CIMIP4: variants seen among roughly 807,000 people sequenced by gnomAD.
CIMIP4 encodes the protein ciliary microtubule inner protein 4.
At chr22:36,991,877 A>G in the CIMIP4 span, among the ~76,000 whole-genome samples, 1 of 152,164 alleles carries the variant, frequency 6.6e-6, no homozygotes, top group African/African-American at 2.4e-5. Flanking sequence ...TTGGACATTC[A>G]TCAAGACATC....
At chr22:37,002,959 C>T in the CIMIP4 span, among the ~76,000 whole-genome samples, 2 of 152,322 alleles carry the variant, frequency 1.3e-5, no homozygotes, top group African/African-American at 2.4e-5. Flanking sequence ...CCACAGCCTC[C>T]GCTTCTCTAG....
chr22:37,001,268 TTGTCAGCC>T, the CIMIP4 span, among the ~76,000 whole-genome samples: 1 of 151,708 alleles, frequency 6.6e-6, no homozygotes, highest in Non-Finnish European at 1.5e-5. Flanking sequence ...CACCATGTAT[TTGTCAGCC>T]TGATCTAGTG....
chr22:36,996,684 A>G, the CIMIP4 span, among the ~76,000 whole-genome samples: 2 of 152,228 alleles, frequency 1.3e-5, no homozygotes, highest in Non-Finnish European at 2.9e-5. Context: ...CTGTTTATTA[A>G]TAACATTTGT....
the CIMIP4 span, among the ~76,000 whole-genome samples, chr22:37,000,480 G>A: frequency 8.5e-5 from 13 of 152,174 alleles, no homozygotes; most frequent in African/African-American, 2.4e-4. Context: ...CTGACACACA[G>A]AGAAGCTGAG....
the CIMIP4 span, among the ~76,000 whole-genome samples, chr22:36,997,301 T>G: frequency 6.6e-6 from 1 of 152,254 alleles, no homozygotes; most frequent in African/African-American, 2.4e-5. Flanking sequence ...CGATTTAGCA[T>G]AGGATAGGAG....
At chr22:37,002,179 T>A in the CIMIP4 span, 1 of 1,495,246 alleles carries the variant, frequency 6.7e-7, no homozygotes, top group South Asian at 1.3e-5. Flanking sequence ...GCAGGGGCTG[T>A]GGGGATGACA....
chr22:36,993,424 AGAG>A, the CIMIP4 span, among the ~76,000 whole-genome samples: 2 of 152,192 alleles, frequency 1.3e-5, no homozygotes, highest in African/African-American at 4.8e-5. Context: ...TCAAAGAATA[AGAG>A]GAGTAGAAAA....
the CIMIP4 span, chr22:36,991,682 A>C: frequency 9.2e-7 from 1 of 1,082,530 alleles, no homozygotes; most frequent in African/African-American, 1.6e-5. Context: ...TCCTCTACGG[A>C]TGGTAAATTG....
chr22:36,991,356 C>G, the CIMIP4 span: 3 of 1,561,354 alleles, frequency 1.9e-6, no homozygotes. Flanking sequence ...AGGGATGACT[C>G]GTACCTCTTC....
chr22:37,005,129 A>T, the CIMIP4 span, among the ~76,000 whole-genome samples: 1 of 152,198 alleles, frequency 6.6e-6, no homozygotes, highest in Non-Finnish European at 1.5e-5. Flanking sequence ...CCAAAAGCTC[A>T]TAAAGAATAG....
chr22:37,005,750 T>C, the CIMIP4 span, among the ~76,000 whole-genome samples: 1 of 152,306 alleles, frequency 6.6e-6, no homozygotes, highest in East Asian at 1.9e-4. Flanking sequence ...AAAGAAAAGA[T>C]GGTAGTTGCC....
chr22:36,991,191 G>A, the CIMIP4 span: 4 of 1,614,084 alleles, frequency 2.5e-6, no homozygotes, highest in Admixed American at 6.7e-5. Context: ...AGTACTTGGA[G>A]CTCTTGGATT....
the CIMIP4 span, chr22:36,991,200 T>C: frequency 1.2e-6 from 2 of 1,614,194 alleles, no homozygotes; most frequent in South Asian, 2.2e-5. Flanking sequence ...AGCTCTTGGA[T>C]TTGCTGTTTT....
the CIMIP4 span, among the ~76,000 whole-genome samples, chr22:37,003,105 T>C: frequency 1.3e-5 from 2 of 152,262 alleles, no homozygotes; most frequent in Admixed American, 6.5e-5. Flanking sequence ...GGGCTGGGCA[T>C]CTTGGCCGTC....
chr22:36,999,843 G>T, the CIMIP4 span: 1 of 1,612,750 alleles, frequency 6.2e-7, no homozygotes, highest in South Asian at 1.1e-5. Flanking sequence ...ACTTGACCTC[G>T]AAACAAGTTT....
chr22:37,001,706 G>T, the CIMIP4 span: 4 of 947,120 alleles, frequency 4.2e-6, no homozygotes, highest in Middle Eastern at 3.4e-4. Context: ...ACAGTGTTTG[G>T]CACACAGCAG....
At chr22:37,001,547 G>A in the CIMIP4 span, among the ~76,000 whole-genome samples, 7 of 152,006 alleles carry the variant, frequency 4.6e-5, no homozygotes, top group African/African-American at 1.5e-4. Context: ...TTGCACCCTC[G>A]TCTCGCACAG....
chr22:36,994,358 C>T, the CIMIP4 span, among the ~76,000 whole-genome samples: 2 of 152,126 alleles, frequency 1.3e-5, no homozygotes, highest in Non-Finnish European at 2.9e-5. Flanking sequence ...CTTGCTCTGT[C>T]ACCAGGCTGG....
the CIMIP4 span, among the ~76,000 whole-genome samples, chr22:37,005,437 G>A: frequency 9.7e-3 from 1,472 of 152,286 alleles, 24 homozygotes; most frequent in African/African-American, 0.034. Context: ...ACTAACAGTG[G>A]GGTGTTGCTA....
Sources: gnomAD v4.1 joint callset for allele counts (sites outside exome capture counted in the v4.1 genomes callset) on GRCh38, gnomAD v4.1.1 for gene constraint, MANE v1.5 for transcripts, NCBI Gene and HGNC (gene_info 2026-07-23, HGNC 2026-07-21) for gene names.